SLC8A3: variants seen among roughly 807,000 people sequenced by gnomAD.
The protein encoded by SLC8A3 is sodium/calcium exchanger 3.
In SLC8A3, 37 loss-of-function variants were observed where a neutral mutation model predicts 65.4. That is an observed-to-expected ratio of 0.57 (90% confidence interval 0.44 to 0.74). SLC8A3 has a LOEUF of 0.74. Among genes scored for constraint, SLC8A3 ranks in the 30% least tolerant of loss-of-function variants. The pLI is 0.00. For synonymous variants in SLC8A3, 461 were observed against 444.5 expected (o/e 1.04, Z -0.47); for missense variants, 1,112 against 1,172.1 (o/e 0.95, Z 0.75).
chr14:70,093,999 C>A (rs1891982152), intron 2 of SLC8A3, among the ~76,000 whole-genome samples: 1 of 152,202 alleles, frequency 6.6e-6, no homozygotes, highest in African/African-American at 2.4e-5. Context: ...CTGCATAAGA[C>A]CCAATGTTGA....
chr14:70,121,134 AC>A (rs554952032), intron 2 of SLC8A3, among the ~76,000 whole-genome samples: 19 of 150,768 alleles, frequency 1.3e-4, no homozygotes, highest in Admixed American at 6.6e-4. Flanking sequence ...TGCATTTTAG[AC>A]CCCCCCCAAA....
intron 2 of SLC8A3, among the ~76,000 whole-genome samples, chr14:70,145,975 AGAAG>A (rs1365785379): frequency 6.6e-6 from 1 of 151,774 alleles, no homozygotes; most frequent in African/African-American, 2.4e-5. Context: ...GAGGGAGGGA[AGAAG>A]GAAGGAAGGA....
chr14:70,102,437 C>T (rs1327117446), intron 2 of SLC8A3, among the ~76,000 whole-genome samples: 1 of 151,832 alleles, frequency 6.6e-6, no homozygotes, highest in African/African-American at 2.4e-5. Flanking sequence ...ATACAGCAAA[C>T]AATAAATAAT....
chr14:70,119,124 T>A (rs1893862264), intron 2 of SLC8A3, among the ~76,000 whole-genome samples: 1 of 152,106 alleles, frequency 6.6e-6, no homozygotes, highest in Non-Finnish European at 1.5e-5. Context: ...ATTGGGGGAA[T>A]GGTGTGTTTC....
rs189147789 is a variant in SLC8A3 at position 70,087,914 on chromosome 14, T to C, written c.1785-26975A>G. Among the ~76,000 whole-genome samples, 32 of 152,358 alleles carry C rather than the reference T, an allele frequency of 2.1e-4. No individual in the cohort carries two copies. In the East Asian group the frequency reaches 4.2e-3, roughly 20 times the overall value. On this transcript the variant is annotated intron_variant, in intron 2 of 6. Transcript: ENST00000356921. ...TGCTACAAATTGACAAGGCATAAAT[T>C]GGATTCTCTGTCCACCAAGAGATTG...
chr14:70,184,206 C>G (rs1882995388), intron 1 of SLC8A3, among the ~76,000 whole-genome samples: 1 of 152,160 alleles, frequency 6.6e-6, no homozygotes, highest in Non-Finnish European at 1.5e-5. Context: ...CGGGACCATA[C>G]ACCTGGGTTT....
At chr14:70,173,166 T>C (rs1349477876) in intron 1 of SLC8A3, among the ~76,000 whole-genome samples, 1 of 152,214 alleles carries the variant, frequency 6.6e-6, no homozygotes, top group Non-Finnish European at 1.5e-5. Context: ...TGACATGGTA[T>C]GATTCGTCTT....
rs1337967385 is a variant in SLC8A3 at position 70,168,194 on chromosome 14, C to A, written c.229G>T (p.Val77Phe). 6.2e-7 allele frequency: 1 copy of A among 1,614,140 alleles called. No individual in the cohort carries two copies. Reference sequence around the variant, plus strand: ...ATCAGGGCCACAAAATAGACAATGACCCTGGCAATCTTGTCCCCAAGGGAA... The same window carrying A: ...ATCAGGGCCACAAAATAGACAATGAACCTGGCAATCTTGTCCCCAAGGGAA... Reference protein sequence around the residue: ...NPSLGDKIARVIVYFVALIYM... With the variant: ...NPSLGDKIARFIVYFVALIYM... Residue 77 changes from valine to phenylalanine, a missense_variant, in exon 2 of 7, where the codon GTC (valine) becomes TTC (phenylalanine). Val to Phe is a conservative substitution (Grantham distance 50, BLOSUM62 -1). Coordinates refer to ENST00000356921, the MANE Select transcript of SLC8A3 (RefSeq NM_182932.3).
At chr14:70,081,751 T>A (rs892703935) in intron 2 of SLC8A3, among the ~76,000 whole-genome samples, 1 of 152,284 alleles carries the variant, frequency 6.6e-6, no homozygotes. Flanking sequence ...GCATGCAAGA[T>A]TGGGACTAAA....
intron 2 of SLC8A3, among the ~76,000 whole-genome samples, chr14:70,065,295 G>T (rs1229019005): frequency 6.6e-6 from 1 of 152,144 alleles, no homozygotes; most frequent in Non-Finnish European, 1.5e-5. Context: ...TGCAGAATCA[G>T]ATCTGGTCCT....
chr14:70,061,238 G>A (rs1024730501), intron 2 of SLC8A3, among the ~76,000 whole-genome samples: 1 of 152,162 alleles, frequency 6.6e-6, no homozygotes, highest in Non-Finnish European at 1.5e-5. Context: ...GAAGGCAGAA[G>A]GCGGGTAATG....
intron 1 of SLC8A3, among the ~76,000 whole-genome samples, chr14:70,178,818 G>A (rs115494293): frequency 0.028 from 4,230 of 152,172 alleles, 197 homozygotes; most frequent in African/African-American, 0.097. Context: ...TCTCTCACCT[G>A]GACTACTGCA....
intron 2 of SLC8A3, among the ~76,000 whole-genome samples, chr14:70,119,014 C>T (rs1485736311): frequency 6.6e-6 from 1 of 152,060 alleles, no homozygotes; most frequent in Non-Finnish European, 1.5e-5. Flanking sequence ...CACCTCGAGC[C>T]CCTCAAGAGC....
chr14:70,140,509 C>G (rs746840853), intron 2 of SLC8A3, among the ~76,000 whole-genome samples: 20 of 152,160 alleles, frequency 1.3e-4, no homozygotes, highest in Non-Finnish European at 2.5e-4. Flanking sequence ...GCAGGATATA[C>G]TAGGAGGGAC....
chr14:70,052,069 C>T lies in SLC8A3; in HGVS notation c.1934G>A (p.Arg645Lys), dbSNP rs544968520. The T allele has an allele frequency of 1.2e-6, 2 of 1,608,358 alleles. No homozygotes were observed. The highest frequency in any genetic ancestry group is 1.3e-5 in the African/African-American group (1 of 74,674). Residue 645 changes from arginine to lysine, a missense_variant, in exon 4 of 7, where the codon AGG (arginine) becomes AAG (lysine). Transcript: ENST00000356921. ...KLTMEEEEAK[R>K]IAEMGKPVLG... ...TACTGGCTTTCCCATCTCTGCTATC[C>T]TCTTGGCCTCCTCTTCTTCCATAGT...
intron 2 of SLC8A3, among the ~76,000 whole-genome samples, chr14:70,078,487 G>A (rs181872528): frequency 5.9e-5 from 9 of 152,136 alleles, no homozygotes; most frequent in African/African-American, 2.2e-4. Context: ...CCCCATATTT[G>A]CTGACTTGCA....
intron 2 of SLC8A3, among the ~76,000 whole-genome samples, chr14:70,101,804 C>T (rs1298404770): frequency 6.6e-6 from 1 of 152,194 alleles, no homozygotes; most frequent in East Asian, 1.9e-4. Context: ...AATTACTACA[C>T]AATTGTCCAG....
intron 2 of SLC8A3, among the ~76,000 whole-genome samples, chr14:70,129,913 A>C (rs1894709609): frequency 6.6e-6 from 1 of 152,260 alleles, no homozygotes; most frequent in Non-Finnish European, 1.5e-5. Context: ...CGTACCTGCC[A>C]GGGCAGTATG....
intron 2 of SLC8A3, among the ~76,000 whole-genome samples, chr14:70,132,746 G>T (rs142334655): frequency 6.6e-6 from 1 of 152,300 alleles, no homozygotes; most frequent in Non-Finnish European, 1.5e-5. Flanking sequence ...AATACCTGAT[G>T]CTATGAGCAA....
Sources: gnomAD v4.1 joint callset for allele counts (sites outside exome capture counted in the v4.1 genomes callset) on GRCh38, gnomAD v4.1.1 for gene constraint, MANE v1.5 for transcripts, NCBI Gene and HGNC (gene_info 2026-07-23, HGNC 2026-07-21) for gene names.